DLGAP1: variants seen among roughly 807,000 people sequenced by gnomAD.
The protein encoded by DLGAP1 is disks large-associated protein 1.
A neutral mutation model predicts 90.8 loss-of-function variants in DLGAP1; 11 were observed. The ratio of observed to expected loss-of-function variants is 0.12; its 90% CI spans 0.08 to 0.20. The LOEUF is 0.20. DLGAP1 is among the 10% of genes least tolerant of loss of function. The probability of loss-of-function intolerance (pLI) is 1.00; values close to 1 mark genes in which losing one functional copy is unlikely to be tolerated. For synonymous variants in DLGAP1, 558 were observed against 540.7 expected, an observed-to-expected ratio of 1.03 and a Z score of -0.44; for missense variants, 1,050 against 1,333.8, an observed-to-expected ratio of 0.79 and a Z score of 3.31.
At chr18:3,590,157 C>G (rs900693703) in intron 7 of DLGAP1, among the ~76,000 whole-genome samples, 1 of 152,168 alleles carries the variant, frequency 6.6e-6, no homozygotes, top group African/African-American at 2.4e-5. Context: ...TGATCCAGCT[C>G]CCTTAGCCTC....
At chr18:4,037,252 G>A (rs1342233606) in intron 2 of DLGAP1, among the ~76,000 whole-genome samples, 1 of 152,180 alleles carries the variant, frequency 6.6e-6, no homozygotes, top group Non-Finnish European at 1.5e-5. Context: ...GCTGACTACA[G>A]AAAGTTAATA....
At chr18:3,931,455 C>A (rs1255869880) in intron 3 of DLGAP1, among the ~76,000 whole-genome samples, 1 of 152,120 alleles carries the variant, frequency 6.6e-6, no homozygotes, top group Non-Finnish European at 1.5e-5. Flanking sequence ...GTTTTTAAAT[C>A]TGGATATGCT....
chr18:3,789,375 C>G (rs1325944493), intron 5 of DLGAP1, among the ~76,000 whole-genome samples: 1 of 152,170 alleles, frequency 6.6e-6, no homozygotes, highest in Non-Finnish European at 1.5e-5. Flanking sequence ...GGGAGCCATC[C>G]AGAAAAAGCT....
intron 3 of DLGAP1, among the ~76,000 whole-genome samples, chr18:3,946,525 T>A (rs537650868): frequency 6.6e-6 from 1 of 152,244 alleles, no homozygotes; most frequent in African/African-American, 2.4e-5. Flanking sequence ...ATTATTTGTA[T>A]GCTTTATTAC....
chr18:3,599,581 G>A (rs1448517244), intron 7 of DLGAP1, among the ~76,000 whole-genome samples: 2 of 152,140 alleles, frequency 1.3e-5, no homozygotes, highest in Non-Finnish European at 2.9e-5. Context: ...AAGGTTTCAC[G>A]TCTTTAAAGA....
rs79893869 is a variant in DLGAP1 at position 3,565,509 on chromosome 18, C to G, written c.2057+1981G>C. On this transcript the variant is annotated intron_variant, in intron 9 of 12. Coordinates refer to ENST00000315677, the MANE Select transcript of DLGAP1 (RefSeq NM_004746.4). This position sits in a 1 kb window ranked among gnomAD's most constrained non-coding sequence, Gnocchi z 4.0. ...TACTTTCAAAAATTTTTCTAAAACA[C>G]TTAATAAAGAAACATATGCCTAGGA... 2.0e-5 allele frequency among the ~76,000 whole-genome samples: 3 copies of G among 151,722 alleles called. No individual in the cohort carries two copies. Among genetic ancestry groups the G allele is most frequent in the African/African-American group, 7.3e-5 (3 of 41,342 alleles).
intron 3 of DLGAP1, chr18:3,895,959 A>T (rs1247691418): frequency 6.6e-6 from 1 of 152,226 alleles, no homozygotes; most frequent in Non-Finnish European, 1.5e-5. Context: ...TCTTGCCAGG[A>T]GGGAAGATTT....
intron 9 of DLGAP1, among the ~76,000 whole-genome samples, chr18:3,563,027 A>G (rs748115788): frequency 6.6e-6 from 1 of 151,862 alleles, no homozygotes; most frequent in East Asian, 1.9e-4. Context: ...GGATTTTGCC[A>G]TATTGCCCAG....
At position 3,612,986 on chromosome 18, in the gene DLGAP1, G is replaced by A. The variant is rs1014315639; in HGVS notation, c.1592-30738C>T. Among the ~76,000 whole-genome samples, 6 of 151,880 alleles carry A rather than the reference G, an allele frequency of 4.0e-5. No individual in the cohort carries two copies. The East Asian group carries it at 5.8e-4, about 15-fold the overall frequency. On this transcript the variant is annotated intron_variant, in intron 7 of 12. Coordinates refer to ENST00000315677, the MANE Select transcript of DLGAP1 (RefSeq NM_004746.4). ...GTCCTGAGTAGCTGGGATTACAGGC[G>A]CCCGCCACCATGCCCGGCTAATTTT...
chr18:4,106,201 A>G (rs1359887398), intron 2 of DLGAP1, among the ~76,000 whole-genome samples: 4 of 152,146 alleles, frequency 2.6e-5, no homozygotes, highest in African/African-American at 9.7e-5. Flanking sequence ...CTCAGAGGAT[A>G]AGGGCCACAA....
At chr18:3,848,286 G>A (rs1324415880) in intron 4 of DLGAP1, among the ~76,000 whole-genome samples, 3 of 151,812 alleles carry the variant, frequency 2.0e-5, no homozygotes, top group African/African-American at 7.2e-5. Context: ...AGGAGGAAGA[G>A]GAGGAGGAGC....
rs58599574 is a variant in DLGAP1 at position 3,977,434 on chromosome 18, GTTTTTTTT to G, written c.-73+27674_-73+27681del. Among the ~76,000 whole-genome samples the G allele has an allele frequency of 1.3e-4, 12 of 95,340 alleles. No homozygotes were observed. In the East Asian group the frequency reaches 3.9e-3, roughly 31 times the overall value. The allele number at this position is 95,340 out of a possible 152,430, so 62.5% of individuals were successfully genotyped here. ...AGTTAATGAATTATGTTTATTCTGT[GTTTTTTTT>G]TTTTTTTTTTTTGCTGAGTACAGGG... On this transcript the variant is annotated intron_variant, in intron 3 of 12. Coordinates refer to ENST00000315677, the MANE Select transcript of DLGAP1 (RefSeq NM_004746.4).
chr18:3,751,965 C>A (rs1437848927), intron 5 of DLGAP1, among the ~76,000 whole-genome samples: 1 of 151,320 alleles, frequency 6.6e-6, no homozygotes, highest in Admixed American at 6.6e-5. Context: ...CTCACTGCAA[C>A]CTCTGCTGCC....
At chr18:3,705,469 C>T (rs923089396) in intron 7 of DLGAP1, among the ~76,000 whole-genome samples, 2 of 151,830 alleles carry the variant, frequency 1.3e-5, no homozygotes, top group Non-Finnish European at 2.9e-5. Flanking sequence ...TGGAGCTAAA[C>T]ATATCATACT....
chr18:4,039,570 A>G (rs1389126878), intron 2 of DLGAP1, among the ~76,000 whole-genome samples: 1 of 152,242 alleles, frequency 6.6e-6, no homozygotes, highest in Non-Finnish European at 1.5e-5. Context: ...GACAGAATAG[A>G]AAGGGAATAT....
chr18:3,977,432 GTGTTTTTT>G (rs1451861384), intron 3 of DLGAP1, among the ~76,000 whole-genome samples: 2 of 52,752 alleles, frequency 3.8e-5, no homozygotes, highest in African/African-American at 1.7e-4. Flanking sequence ...TGTTTATTCT[GTGTTTTTT>G]TTTTTTTTTT....
intron 5 of DLGAP1, among the ~76,000 whole-genome samples, chr18:3,788,429 C>T (rs1405840484): frequency 3.9e-5 from 6 of 152,150 alleles, no homozygotes; most frequent in Non-Finnish European, 8.8e-5. Context: ...CTAACCTGCC[C>T]TGCCTTCAAA....
intron 2 of DLGAP1, among the ~76,000 whole-genome samples, chr18:4,054,025 C>G (rs1237698670): frequency 6.6e-6 from 1 of 152,188 alleles, no homozygotes; most frequent in African/African-American, 2.4e-5. Flanking sequence ...AGAGAGCAAC[C>G]TGACAATCAT....
rs565545582 is a variant in DLGAP1, at chr18:3,930,931, GGTTT to G, written c.-72-50795_-72-50792del. On this transcript the variant is annotated intron_variant, in intron 3 of 12. Coordinates refer to ENST00000315677, the MANE Select transcript of DLGAP1 (RefSeq NM_004746.4). The stretch of plus-strand genomic sequence containing the variant: ...CTGTTGCCATGGTTACGCAAAAGCT[GGTTT>G]AAAATGGCTCCTATGTTGGCATCTG... Among the ~76,000 whole-genome samples, 24 of 152,324 alleles carry G rather than the reference GGTTT, an allele frequency of 1.6e-4. 1 individual carries two copies. The South Asian group carries it at 5.0e-3, about 32-fold the overall frequency.
Sources: allele counts gnomAD v4.1 joint callset (sites outside exome capture counted in the v4.1 genomes callset), GRCh38; gene constraint gnomAD v4.1.1; non-coding constraint Gnocchi (gnomAD v3.1); transcripts MANE v1.5; gene names NCBI Gene and HGNC (gene_info 2026-07-23, HGNC 2026-07-21).